The following AKAP12 variants were observed in gnomAD, a reference collection of about 807,000 sequenced individuals.
AKAP12 encodes A-kinase anchoring protein 12, also known as A-kinase anchor protein 12.
Under a neutral mutation model 79.9 loss-of-function variants are expected in AKAP12, and 32 were observed. That is an observed-to-expected ratio of 0.40 (90% CI 0.30 to 0.54). AKAP12 has a LOEUF of 0.54. AKAP12 is among the 20% of genes least tolerant of loss of function. AKAP12 has a pLI of 0.48. For synonymous variants in AKAP12, 808 were observed against 857.0 expected (o/e 0.94, Z 1.00); for missense variants, 2,074 against 2,177.0 (o/e 0.95, Z 0.94).
chr6:151,300,475 CT>C (rs1356869802), intron 2 of AKAP12, among the ~76,000 whole-genome samples: 2 of 152,102 alleles, frequency 1.3e-5, no homozygotes, highest in Non-Finnish European at 2.9e-5. Context: ...TCCTCTGCCC[CT>C]GGCATCCTGA....
Position 151,349,966 on chromosome 6 carries a change from A to T in AKAP12, c.1575A>T (p.Leu525Phe). The change falls in exon 4 of 5, where the codon TTA becomes TTT. Residue 525 changes from leucine (L) to phenylalanine (F), a missense_variant. Transcript: ENST00000402676. ...AGAAGCTTTTTACCAGCACTGGCTT[A>T]AAAAAGCTTTCTGGAAAGAAACAGA... ...PLKKLFTSTG[L>F]KKLSGKKQKG... The T allele has an allele frequency of 1.9e-6, 3 of 1,614,122 alleles. No homozygotes were observed. Among genetic ancestry groups the T allele is most frequent in the Non-Finnish European group, 2.5e-6 (3 of 1,180,012 alleles).
At chr6:151,312,491 A>G (rs767002231) in intron 3 of AKAP12, among the ~76,000 whole-genome samples, 1 of 150,316 alleles carries the variant, frequency 6.7e-6, no homozygotes, top group African/African-American at 2.5e-5. Flanking sequence ...ATAAAATAAA[A>G]TATAAGAATC....
chr6:151,318,234 T>C (rs377455275), intron 3 of AKAP12, among the ~76,000 whole-genome samples: 58 of 152,340 alleles, frequency 3.8e-4, no homozygotes, highest in African/African-American at 1.3e-3. Context: ...CCAACCACAC[T>C]GGCCTCCTGA....
chr6:151,293,682 C>A (rs936251979), intron 2 of AKAP12, among the ~76,000 whole-genome samples: 1 of 152,116 alleles, frequency 6.6e-6, no homozygotes, highest in Non-Finnish European at 1.5e-5. Flanking sequence ...AAGTCAGGTG[C>A]TTTTTTGTTA....
At chr6:151,264,224 A>G (rs1797502848) in intron 2 of AKAP12, among the ~76,000 whole-genome samples, 1 of 152,146 alleles carries the variant, frequency 6.6e-6, no homozygotes, top group South Asian at 2.1e-4. Flanking sequence ...GGAGACGTGA[A>G]TGAACTGCTG....
At chr6:151,263,246 G>C (rs551012964) in intron 2 of AKAP12, among the ~76,000 whole-genome samples, 1 of 152,258 alleles carries the variant, frequency 6.6e-6, no homozygotes, top group African/African-American at 2.4e-5. Flanking sequence ...TGTTGCCCAG[G>C]CTGGCCTCCA....
At chr6:151,274,487 T>A (rs1776254384) in intron 2 of AKAP12, among the ~76,000 whole-genome samples, 1 of 152,166 alleles carries the variant, frequency 6.6e-6, no homozygotes, top group Non-Finnish European at 1.5e-5. Flanking sequence ...TTCGTTAAAG[T>A]GTATCAGAAA....
chr6:151,284,756 T>A (rs552166466), intron 2 of AKAP12, among the ~76,000 whole-genome samples: 2 of 152,312 alleles, frequency 1.3e-5, no homozygotes, highest in South Asian at 4.1e-4. Context: ...ACACTTTCTC[T>A]TATCAACAGA....
At chr6:151,269,570 A>G (rs1236541881) in intron 2 of AKAP12, among the ~76,000 whole-genome samples, 3 of 152,148 alleles carry the variant, frequency 2.0e-5, no homozygotes, top group African/African-American at 7.2e-5. Context: ...GTTCTTGTTT[A>G]TGATTAATAG....
At chr6:151,345,932 T>TGTGAGAGAGAGAGA (rs1349850485) in intron 3 of AKAP12, among the ~76,000 whole-genome samples, 65 of 101,438 alleles carry the variant, frequency 6.4e-4, no homozygotes, top group African/African-American at 2.6e-3. Context: ...TGTGTGTGTG[T>TGTGAGAGAGAGAGA]GAGAGAGAGA....
intron 2 of AKAP12, among the ~76,000 whole-genome samples, chr6:151,252,729 T>TC (rs1562707122): frequency 8.6e-6 from 1 of 116,470 alleles, no homozygotes; most frequent in African/African-American, 3.6e-5. Context: ...CCCCTGTCTC[T>TC]GGGAAAAAAA....
intron 2 of AKAP12, among the ~76,000 whole-genome samples, chr6:151,302,011 T>C (rs946760914): frequency 1.4e-5 from 2 of 147,222 alleles, no homozygotes; most frequent in East Asian, 3.9e-4. Context: ...AACATCTCTT[T>C]TTTTTTTCTT....
At chr6:151,332,559 C>T (rs1456331406) in intron 3 of AKAP12, among the ~76,000 whole-genome samples, 1 of 152,148 alleles carries the variant, frequency 6.6e-6, no homozygotes, top group Non-Finnish European at 1.5e-5. Context: ...TAGTAATATT[C>T]TCTTGAGAAA....
intron 3 of AKAP12, among the ~76,000 whole-genome samples, chr6:151,312,530 G>T (rs550110054): frequency 6.7e-6 from 1 of 149,548 alleles, no homozygotes; most frequent in Non-Finnish European, 1.5e-5. Flanking sequence ...GGTGGCTCAC[G>T]CCTGTAATCC....
chr6:151,308,028 C>A (rs1412325522), intron 3 of AKAP12, among the ~76,000 whole-genome samples: 1 of 151,346 alleles, frequency 6.6e-6, no homozygotes, highest in Non-Finnish European at 1.5e-5. Flanking sequence ...GGACGTGCCA[C>A]CACACCTGGC....
chr6:151,262,110 C>T (rs946135117), intron 2 of AKAP12, among the ~76,000 whole-genome samples: 15 of 152,096 alleles, frequency 9.9e-5, no homozygotes, highest in African/African-American at 1.9e-4. Flanking sequence ...CCACCATGCC[C>T]GGCTAATTTT....
rs376597009 is a variant in AKAP12, at chr6:151,290,025, C to T, written c.163-15722C>T. On this transcript the variant is annotated intron_variant, in intron 2 of 4. Transcript: ENST00000402676. ...TTTCGTGTTTAGAAGGTAACGCATC[C>T]GATGGGACGAGGCATCTGAACAAGA... Among the ~76,000 whole-genome samples, 26 of 152,240 alleles carry T rather than the reference C, an allele frequency of 1.7e-4. No individual in the cohort carries two copies. In the South Asian group the frequency reaches 3.5e-3, roughly 21 times the overall value.
At chr6:151,343,378 G>C (rs1279532110) in intron 3 of AKAP12, among the ~76,000 whole-genome samples, 2 of 152,182 alleles carry the variant, frequency 1.3e-5, no homozygotes, top group African/African-American at 4.8e-5. Flanking sequence ...CTAGAATAGA[G>C]TTTGTTACTG....
At chr6:151,271,604 G>A (rs146575377) in intron 2 of AKAP12, among the ~76,000 whole-genome samples, 97 of 151,976 alleles carry the variant, frequency 6.4e-4, no homozygotes, top group Non-Finnish European at 1.1e-3. Flanking sequence ...TTACATGTGC[G>A]AGCCACTACA....
Sources: allele counts gnomAD v4.1 joint callset (sites outside exome capture counted in the v4.1 genomes callset), GRCh38; gene constraint gnomAD v4.1.1; transcripts MANE v1.5; gene names NCBI Gene and HGNC (gene_info 2026-07-23, HGNC 2026-07-21).